NEBL: variants seen among roughly 807,000 people sequenced by gnomAD.
NEBL encodes the protein LIM and SH3 protein 2.
Under a neutral mutation model 140.2 loss-of-function variants are expected in NEBL, and 122 were observed. That is an observed-to-expected ratio of 0.87 (90% CI 0.75 to 1.01). NEBL has a LOEUF of 1.01. NEBL is among the 50% of genes least tolerant of loss of function. NEBL has a pLI of 0.00. For synonymous variants in NEBL, 436 were observed against 398.9 expected (o/e 1.09, Z -1.11); for missense variants, 1,365 against 1,231.3 (o/e 1.11, Z -1.62).
At chr10:20,994,985 CT>C (rs1417064219) in intron 3 of NEBL, among the ~76,000 whole-genome samples, 1 of 152,132 alleles carries the variant, frequency 6.6e-6, no homozygotes, top group Non-Finnish European at 1.5e-5. Context: ...CAAGGGTCAA[CT>C]GTAGTTATAC....
At chr10:21,055,365 G>A (rs4747430) in intron 2 of NEBL, among the ~76,000 whole-genome samples, 59,990 of 151,894 alleles carry the variant, frequency 0.39, 11,939 homozygotes, top group Middle Eastern at 0.47. Flanking sequence ...GCTAATTCAC[G>A]CACCCCAAAG....
chr10:21,169,059 A>AT (rs1840934163), intron 2 of NEBL, among the ~76,000 whole-genome samples: 10 of 43,806 alleles, frequency 2.3e-4, no homozygotes, highest in South Asian at 1.1e-3. Flanking sequence ...CAAAAAAAAA[A>AT]AAAAAAAAAT....
intron 3 of NEBL, among the ~76,000 whole-genome samples, chr10:21,215,444 G>A (rs1189161213): frequency 6.6e-6 from 1 of 152,156 alleles, no homozygotes; most frequent in Non-Finnish European, 1.5e-5. Flanking sequence ...TATTCAGGGA[G>A]CAAATTAAGC....
chr10:20,961,591 A>G, intron 4 of NEBL: 2 of 1,049,698 alleles, frequency 1.9e-6, no homozygotes, highest in Non-Finnish European at 3.0e-6. Context: ...CAACACAAAC[A>G]CTTCCAAGTC....
At chr10:21,090,458 C>T (rs560920983) in intron 2 of NEBL, among the ~76,000 whole-genome samples, 3 of 152,192 alleles carry the variant, frequency 2.0e-5, no homozygotes, top group Non-Finnish European at 4.4e-5. Context: ...TTAAAGTATA[C>T]AGGAGGATGC....
intron 4 of NEBL, among the ~76,000 whole-genome samples, chr10:20,948,111 T>C (rs1471888762): frequency 6.6e-6 from 1 of 152,244 alleles, no homozygotes; most frequent in Non-Finnish European, 1.5e-5. Flanking sequence ...GAGTTGAGTG[T>C]TGTTCCTATT....
intron 3 of NEBL, among the ~76,000 whole-genome samples, chr10:20,990,777 C>T (rs1837427495): frequency 6.6e-6 from 1 of 152,204 alleles, no homozygotes; most frequent in African/African-American, 2.4e-5. Context: ...GTGACTCAGT[C>T]ACTAATCTTC....
intron 24 of NEBL, among the ~76,000 whole-genome samples, chr10:20,811,308 C>G (rs544546236): frequency 1.3e-5 from 2 of 152,304 alleles, no homozygotes; most frequent in South Asian, 4.1e-4. Flanking sequence ...TAGCAACGAC[C>G]TCACCATCAT....
At position 20,868,860 on chromosome 10, in the gene NEBL, C is replaced by T. The variant is rs1844618341; in HGVS notation, c.583-95G>A. The T allele has an allele frequency of 1.7e-5, 14 of 819,866 alleles. No homozygotes were observed. The South Asian group carries it at 1.9e-4, about 11-fold the overall frequency. The allele number at this position is 819,866 out of a possible 1,614,324, so 50.8% of individuals were successfully genotyped here. On this transcript the variant is annotated intron_variant, in intron 6 of 27. Transcript: ENST00000377122. ...AAAAAAAAAAAAAATAACAGACCTT[C>T]ATCTCATTAATATTCCTTACAACAC... is the stretch of plus-strand genomic sequence containing the variant.
chr10:21,004,591 G>A (rs1248890174), intron 3 of NEBL, among the ~76,000 whole-genome samples: 3 of 152,214 alleles, frequency 2.0e-5, no homozygotes, highest in East Asian at 3.9e-4. Context: ...ATGGTGGCAG[G>A]TGCCTGTAGT....
chr10:21,230,344 C>A lies in NEBL; in HGVS notation n.348+17577G>T, dbSNP rs570664462. Reference sequence around the variant, plus strand: ...CTAACAACACCTGTCCTAGGATGAGCTGAGCATGCATGTTAAAGCACATTA... The same window carrying A: ...CTAACAACACCTGTCCTAGGATGAGATGAGCATGCATGTTAAAGCACATTA... On this transcript the variant is annotated intron_variant and non_coding_transcript_variant, in intron 3 of 8. Transcript: ENST00000675702. Among the ~76,000 whole-genome samples, 3 of 152,196 alleles carry A rather than the reference C, an allele frequency of 2.0e-5. No individual in the cohort carries two copies. In the East Asian group the frequency reaches 5.8e-4, roughly 29 times the overall value.
chr10:21,253,421 G>A (rs567715088), intron 1 of NEBL, among the ~76,000 whole-genome samples: 1 of 152,214 alleles, frequency 6.6e-6, no homozygotes, highest in South Asian at 2.1e-4. Context: ...AAATTTTTGC[G>A]AGCCATGGCA....
intron 3 of NEBL, among the ~76,000 whole-genome samples, chr10:21,244,684 A>T (rs112252533): frequency 0.033 from 4,993 of 151,838 alleles, 277 homozygotes; most frequent in African/African-American, 0.11. Context: ...AAATTTTTTT[A>T]AAAAATTAAA....
chr10:20,867,393 C>A (rs1844405269), intron 7 of NEBL, among the ~76,000 whole-genome samples: 1 of 152,066 alleles, frequency 6.6e-6, no homozygotes, highest in Non-Finnish European at 1.5e-5. Flanking sequence ...AAATGTAATT[C>A]AAGTAAGACT....
intron 2 of NEBL, among the ~76,000 whole-genome samples, chr10:21,026,664 G>A (rs1014844401): frequency 2.0e-5 from 3 of 152,204 alleles, no homozygotes; most frequent in Non-Finnish European, 2.9e-5. Flanking sequence ...GCAGAATTCA[G>A]ATGTCAAAAG....
At chr10:20,793,382 A>T (rs1438043215) in intron 26 of NEBL, 1 of 975,336 alleles carries the variant, frequency 1.0e-6, no homozygotes, top group Non-Finnish European at 1.2e-6. Context: ...AAACCCTGGA[A>T]AGGAAGGACA....
chr10:20,939,565 A>T (rs1465710116), intron 4 of NEBL, among the ~76,000 whole-genome samples: 2 of 152,250 alleles, frequency 1.3e-5, no homozygotes, highest in Non-Finnish European at 2.9e-5. Context: ...TAATGACAGG[A>T]TCAAATTCAC....
intron 3 of NEBL, among the ~76,000 whole-genome samples, chr10:21,012,559 C>T (rs1235561064): frequency 6.6e-6 from 1 of 151,732 alleles, no homozygotes; most frequent in African/African-American, 2.4e-5. Context: ...TTTTGGCAAA[C>T]ACAATGGTTT....
intron 4 of NEBL, among the ~76,000 whole-genome samples, chr10:20,936,356 C>T (rs1834484401): frequency 6.6e-6 from 1 of 152,220 alleles, no homozygotes; most frequent in South Asian, 2.1e-4. Context: ...CATCAGAACT[C>T]AGGTCTAGTC....
Sources: allele counts gnomAD v4.1 joint callset (sites outside exome capture counted in the v4.1 genomes callset), GRCh38; gene constraint gnomAD v4.1.1; transcripts MANE v1.5; gene names NCBI Gene and HGNC (gene_info 2026-07-23, HGNC 2026-07-21).